The following POLDIP3 variants were observed in gnomAD, a reference collection of about 807,000 sequenced individuals.
POLDIP3 encodes the protein polymerase delta-interacting protein 3.
In POLDIP3, 14 loss-of-function variants were observed where a neutral mutation model predicts 45.1. That is an observed-to-expected ratio of 0.31 (90% CI 0.20 to 0.49). The LOEUF (loss-of-function observed/expected upper bound fraction) is 0.49. POLDIP3 is among the 20% of genes least tolerant of loss of function. POLDIP3 has a pLI of 0.99. For synonymous variants in POLDIP3, 223 were observed against 205.2 expected, an observed-to-expected ratio of 1.09 and a Z score of -0.74; for missense variants, 511 against 538.8, an observed-to-expected ratio of 0.95 and a Z score of 0.51.
intron 7 of POLDIP3, 87 bp downstream of exon 7, chr22:42,591,868 C>T (rs1925685726): frequency 6.4e-7 from 1 of 1,566,546 alleles, no homozygotes; most frequent in African/African-American, 1.3e-5. Flanking sequence ...CCACCCATCT[C>T]ACAGAGACTT....
intron 1 of POLDIP3, among the ~76,000 whole-genome samples, chr22:42,612,753 G>A (rs1927202183): frequency 6.6e-6 from 1 of 152,174 alleles, no homozygotes; most frequent in Admixed American, 6.5e-5. Context: ...TTAAACCCAA[G>A]AGGCAGAGGT....
At chr22:42,596,718 G>C (rs756737305) in intron 4 of POLDIP3, among the ~76,000 whole-genome samples, 26 of 152,132 alleles carry the variant, frequency 1.7e-4, no homozygotes, top group Non-Finnish European at 3.4e-4. Context: ...TATGAGGCTG[G>C]TCAGAAGGCC....
intron 3 of POLDIP3, 84 bp from the exon 4 acceptor site, chr22:42,599,877 G>A: frequency 1.0e-6 from 1 of 995,570 alleles, no homozygotes; most frequent in Admixed American, 2.2e-5. Context: ...GCAAGGAAAT[G>A]GCTGCTGGAG....
Position 42,586,018 on chromosome 22 carries a change from T to C in POLDIP3, c.1089-50A>G, listed in dbSNP as rs777204257. The C allele has an allele frequency of 1.3e-5, 19 of 1,515,506 alleles. No homozygotes were observed. The Admixed American group carries it at 2.5e-4, about 20-fold the overall frequency. 93.9% of individuals were successfully genotyped at this position (1,515,506 alleles called of 1,614,324 possible). On this transcript the variant is annotated intron_variant, in intron 8 of 8. Transcript: ENST00000252115. ...AAATTCTTGTCAGTTTTTCCTTAGA[T>C]GGGGAGGGGACCCACCATTTACTGG...
At position 42,585,902 on chromosome 22, in the gene POLDIP3, G is replaced by A. The variant is rs1249128484; in HGVS notation, c.1155C>T (p.Ser385=). 3 of 1,613,394 alleles carry A rather than the reference G, an allele frequency of 1.9e-6. No individual in the cohort carries two copies. Among genetic ancestry groups the A allele is most frequent in the South Asian group, 1.1e-5 (1 of 91,042 alleles). Reference sequence around the variant, plus strand: ...CCACTTCGGCAGGGGGGTTGGAGGAGGAGGCAGAGTTCACCCTGCGAGGCA... The same window carrying A: ...CCACTTCGGCAGGGGGGTTGGAGGAAGAGGCAGAGTTCACCCTGCGAGGCA... The part of the protein sequence containing the change: ...SELPRRVNSA[S]SSNPPAEVDP... The change falls in exon 9 of 9, where the codon TCC becomes TCT. Residue 385 remains serine (S), a synonymous_variant. Coordinates refer to ENST00000252115, the MANE Select transcript of POLDIP3 (RefSeq NM_032311.5).
At chr22:42,601,396 TA>T (rs1016194591) in intron 3 of POLDIP3, among the ~76,000 whole-genome samples, 1 of 146,460 alleles carries the variant, frequency 6.8e-6, no homozygotes, top group African/African-American at 2.5e-5. Flanking sequence ...AAAAAAAGCG[TA>T]AAAAAATTAA....
At chr22:42,611,654 C>T (rs1412125763) in intron 1 of POLDIP3, among the ~76,000 whole-genome samples, 1 of 152,168 alleles carries the variant, frequency 6.6e-6, no homozygotes, top group Non-Finnish European at 1.5e-5. Context: ...ACGGGTGGAT[C>T]GTTTGAGGTC....
chr22:42,594,694 A>T (rs1454478369), intron 6 of POLDIP3, among the ~76,000 whole-genome samples: 1 of 152,194 alleles, frequency 6.6e-6, no homozygotes, highest in Non-Finnish European at 1.5e-5. Context: ...AATGAAAATG[A>T]TGTTGAAAAG....
intron 7 of POLDIP3, 137 bp from the exon 8 acceptor site, chr22:42,587,709 C>A: frequency 1.3e-6 from 1 of 795,062 alleles, no homozygotes; most frequent in South Asian, 1.6e-5. Flanking sequence ...GGAGATGGGG[C>A]TGCTAGGTTC....
chr22:42,599,668 C>T lies in POLDIP3; in HGVS notation c.633+30G>A, dbSNP rs138674212. 2,935 of 1,484,792 alleles carry T rather than the reference C, an allele frequency of 2.0e-3. 7 individuals are homozygous for T. The highest frequency in any genetic ancestry group is 2.5e-3 in the Non-Finnish European group (2,662 of 1,063,384). The allele number at this position is 1,484,792 out of a possible 1,614,324, so 92.0% of individuals were successfully genotyped here. A position where few individuals can be genotyped will look rare whatever the true frequency, so the allele number is the denominator to read the frequency against. On this transcript the variant is annotated intron_variant, in intron 4 of 8. Coordinates refer to ENST00000252115, the MANE Select transcript of POLDIP3 (RefSeq NM_032311.5). ...CCTCTCCCACCTGCCTGATCAGACA[C>T]GCAGTGTAAGAAAACATGAAATGCC...
At chr22:42,595,457 A>C in intron 6 of POLDIP3, 80 bp downstream of exon 6, 1 of 1,315,670 alleles carries the variant, frequency 7.6e-7, no homozygotes, top group Non-Finnish European at 1.1e-6. Context: ...AGCAGTCATC[A>C]AACCTGAGGG....
chr22:42,612,599 G>A (rs866002363), intron 1 of POLDIP3, among the ~76,000 whole-genome samples: 7 of 152,300 alleles, frequency 4.6e-5, no homozygotes, highest in Middle Eastern at 3.4e-3. Context: ...GAGGCCGAGC[G>A]GGTTCGGCCT....
chr22:42,614,394 C>A (rs1927329612), intron 1 of POLDIP3, among the ~76,000 whole-genome samples: 1 of 152,246 alleles, frequency 6.6e-6, no homozygotes, highest in South Asian at 2.1e-4. Flanking sequence ...CGCTACTAAA[C>A]TTCGGTTGTC....
intron 4 of POLDIP3, among the ~76,000 whole-genome samples, chr22:42,598,131 G>A (rs904322680): frequency 2.5e-4 from 38 of 150,346 alleles, no homozygotes; most frequent in African/African-American, 8.8e-4. Flanking sequence ...CGCCCAGGCT[G>A]GAGTGCAGTG....
intron 1 of POLDIP3, among the ~76,000 whole-genome samples, chr22:42,604,942 G>C (rs1926625675): frequency 6.6e-6 from 1 of 152,100 alleles, no homozygotes; most frequent in African/African-American, 2.4e-5. Flanking sequence ...TTCACAAATG[G>C]GATTAGTGCC....
At chr22:42,589,258 A>T (rs1288376265) in intron 7 of POLDIP3, among the ~76,000 whole-genome samples, 2 of 151,952 alleles carry the variant, frequency 1.3e-5, no homozygotes, top group Non-Finnish European at 2.9e-5. Flanking sequence ...AAAAAAAAAA[A>T]AGTGAACAAA....
chr22:42,598,226 G>A (rs972885928), intron 4 of POLDIP3, among the ~76,000 whole-genome samples: 21 of 150,046 alleles, frequency 1.4e-4, no homozygotes, highest in African/African-American at 5.2e-4. Context: ...GGGACTGCAG[G>A]TGCCCGCCAC....
intron 6 of POLDIP3, among the ~76,000 whole-genome samples, chr22:42,592,584 T>C (rs895403044): frequency 6.6e-6 from 1 of 152,176 alleles, no homozygotes; most frequent in African/African-American, 2.4e-5. Flanking sequence ...ACAGGGACAG[T>C]TGGTCACTCT....
At chr22:42,590,917 C>CA (rs931673467) in intron 7 of POLDIP3, among the ~76,000 whole-genome samples, 1 of 151,624 alleles carries the variant, frequency 6.6e-6, no homozygotes, top group Non-Finnish European at 1.5e-5. Flanking sequence ...ACTAAAAATA[C>CA]AAAAAAATTA....
Sources: gnomAD v4.1 joint callset for allele counts (sites outside exome capture counted in the v4.1 genomes callset) on GRCh38, gnomAD v4.1.1 for gene constraint, MANE v1.5 for transcripts, NCBI Gene and HGNC (gene_info 2026-07-23, HGNC 2026-07-21) for gene names.